FAM168A: variants seen among roughly 807,000 people sequenced by gnomAD.
FAM168A encodes protein FAM168A.
FAM168A carries 3 observed loss-of-function variants against 28.5 expected under a neutral mutation model. That is an observed-to-expected ratio of 0.11 (90% CI 0.05 to 0.27). The LOEUF (loss-of-function observed/expected upper bound fraction) is 0.27. FAM168A is among the 10% of genes least tolerant of loss of function. FAM168A has a pLI of 1.00. For missense variants in FAM168A, 222 were observed against 311.5 expected, an observed-to-expected ratio of 0.71 and a Z score of 2.16; for synonymous variants, 122 against 124.2, an observed-to-expected ratio of 0.98 and a Z score of 0.12.
intron 1 of FAM168A, among the ~76,000 whole-genome samples, chr11:73,565,293 A>T (rs117513400): frequency 8.9e-4 from 135 of 152,316 alleles, no homozygotes; most frequent in Admixed American, 2.7e-3. Context: ...TTTCCACTAT[A>T]TGCGTAACGG....
rs77506521 is a variant in FAM168A at position 73,484,207 on chromosome 11, T to C, written c.-18-15715A>G. ...TGTTAACATCTTTAATTTTAACAGA[T>C]GTTTAATGTTAACATCTTTAATTTT... On this transcript the variant is annotated intron_variant, in intron 1 of 7. Transcript: ENST00000356467. Among the ~76,000 whole-genome samples, 1,374 of 152,308 alleles carry C rather than the reference T, an allele frequency of 9.0e-3. 22 individuals carry two copies. Among genetic ancestry groups the C allele is most frequent in the African/African-American group, 0.031 (1,276 of 41,556 alleles).
intron 1 of FAM168A, among the ~76,000 whole-genome samples, chr11:73,567,261 C>T (rs547425381): frequency 7.9e-5 from 12 of 152,148 alleles, no homozygotes; most frequent in East Asian, 3.9e-4. Context: ...CTCAAATTTC[C>T]GGCTTGAGTG....
chr11:73,454,005 A>G (rs534980279), intron 2 of FAM168A, among the ~76,000 whole-genome samples: 66 of 152,350 alleles, frequency 4.3e-4, no homozygotes, highest in African/African-American at 1.5e-3. Context: ...TAGGATACTT[A>G]TGGACAGGCT....
intron 5 of FAM168A, chr11:73,410,470 A>G (rs1866589557): frequency 6.6e-6 from 1 of 152,046 alleles, no homozygotes. Flanking sequence ...TCTCTTAACT[A>G]GCTATTTCCC....
chr11:73,542,125 G>A (rs1298536936), intron 1 of FAM168A, among the ~76,000 whole-genome samples: 2 of 152,098 alleles, frequency 1.3e-5, no homozygotes, highest in Non-Finnish European at 2.9e-5. Context: ...TTTGCTCTAA[G>A]TACACACATT....
intron 1 of FAM168A, among the ~76,000 whole-genome samples, chr11:73,528,696 A>C (rs550488278): frequency 6.6e-6 from 1 of 152,176 alleles, no homozygotes; most frequent in Non-Finnish European, 1.5e-5. Context: ...TGGAACCTGG[A>C]CCTCTGTCCT....
intron 2 of FAM168A, among the ~76,000 whole-genome samples, chr11:73,440,510 G>A (rs1256576268): frequency 2.6e-5 from 4 of 152,078 alleles, no homozygotes; most frequent in African/African-American, 9.7e-5. Context: ...TGTGCCCACA[G>A]TCCCAGCTAC....
At chr11:73,513,117 T>C (rs1009494895) in intron 1 of FAM168A, among the ~76,000 whole-genome samples, 2 of 152,098 alleles carry the variant, frequency 1.3e-5, no homozygotes, top group East Asian at 3.8e-4. Flanking sequence ...TCTCTTGTAG[T>C]TAGCACCATA....
chr11:73,456,992 C>G (rs1426197320), intron 2 of FAM168A, among the ~76,000 whole-genome samples: 24 of 152,202 alleles, frequency 1.6e-4, no homozygotes, highest in Non-Finnish European at 5.9e-5. Flanking sequence ...TCAACCTCTA[C>G]TGGCCAAAGC....
chr11:73,570,210 TGAG>T (rs1252706002), intron 1 of FAM168A, among the ~76,000 whole-genome samples: 19 of 152,222 alleles, frequency 1.2e-4, no homozygotes, highest in African/African-American at 4.3e-4. Flanking sequence ...TCATTAGCTG[TGAG>T]ACTAAGCAAG....
intron 1 of FAM168A, among the ~76,000 whole-genome samples, chr11:73,485,685 TC>T (rs1404947266): frequency 6.6e-6 from 1 of 152,172 alleles, no homozygotes; most frequent in Admixed American, 6.5e-5. Context: ...AAAAATTCAT[TC>T]CCTTTAGGAA....
chr11:73,587,608 G>C (rs1486429581), intron 1 of FAM168A, among the ~76,000 whole-genome samples: 1 of 152,266 alleles, frequency 6.6e-6, no homozygotes, highest in East Asian at 1.9e-4. Flanking sequence ...AGGAGCACTT[G>C]GTGCCAGGAG....
At chr11:73,419,060 T>C (rs1185878328) in intron 4 of FAM168A, among the ~76,000 whole-genome samples, 1 of 152,204 alleles carries the variant, frequency 6.6e-6, no homozygotes, top group Admixed American at 6.5e-5. Context: ...TCCGCCCACC[T>C]TGGCCTCCCA....
At chr11:73,563,913 G>C (rs917084749) in intron 1 of FAM168A, among the ~76,000 whole-genome samples, 1 of 152,172 alleles carries the variant, frequency 6.6e-6, no homozygotes, top group Non-Finnish European at 1.5e-5. Context: ...AATTAACTGA[G>C]GCCCAAGATT....
intron 1 of FAM168A, among the ~76,000 whole-genome samples, chr11:73,509,448 C>T (rs746301996): frequency 4.6e-4 from 70 of 152,188 alleles, no homozygotes; most frequent in Middle Eastern, 3.4e-3. Flanking sequence ...GTTTTTCAAA[C>T]GTTCACCTCA....
intron 1 of FAM168A, among the ~76,000 whole-genome samples, chr11:73,496,905 A>ACACACACACACACACACACACG (rs1366882838): frequency 6.9e-6 from 1 of 144,224 alleles, no homozygotes; most frequent in African/African-American, 2.8e-5. Context: ...ACACACACAC[A>ACACACACACACACACACACACG]CGCACACACA....
intron 1 of FAM168A, among the ~76,000 whole-genome samples, chr11:73,507,297 T>C (rs1435163830): frequency 2.6e-5 from 4 of 152,238 alleles, no homozygotes; most frequent in African/African-American, 9.6e-5. Context: ...AATTTATTTA[T>C]GATCCATCCA....
chr11:73,430,702 T>C lies in FAM168A; in HGVS notation c.139A>G (p.Ser47Gly). The change falls in exon 3 of 8, where the codon AGT becomes GGT. Residue 47 changes from serine (S) to glycine (G), a missense_variant. By Grantham distance (56) the Ser-to-Gly change is moderately conservative. Around this residue, in one of 3 missense-constraint regions of FAM168A, gnomAD observed 153 missense variants for 189.2 expected, o/e 0.81. Coordinates refer to ENST00000356467, the MANE Select transcript of FAM168A (RefSeq NM_015159.3). Reference protein sequence around the residue: ...NPSLYPTNSPSYAPATLLMKQ... With the variant: ...NPSLYPTNSPGYAPATLLMKQ... ...ATTTCCTCCTTACCTGGAGCATAAC[T>C]GGGACTATTGGTGGGGTACAGGCTG... 1 of 1,613,714 alleles carries C rather than the reference T, an allele frequency of 6.2e-7. No individual in the cohort carries two copies. The highest frequency in any genetic ancestry group is 8.5e-7 in the Non-Finnish European group (1 of 1,179,776).
At chr11:73,410,859 C>G (rs901215091) in intron 5 of FAM168A, among the ~76,000 whole-genome samples, 1 of 152,186 alleles carries the variant, frequency 6.6e-6, no homozygotes, top group African/African-American at 2.4e-5. Flanking sequence ...CATACATCTT[C>G]TAGCTGAAGG....
Sources: allele counts gnomAD v4.1 joint callset (sites outside exome capture counted in the v4.1 genomes callset), GRCh38; gene constraint gnomAD v4.1.1; regional missense constraint gnomAD v4.1.1; transcripts MANE v1.5; gene names NCBI Gene and HGNC (gene_info 2026-07-23, HGNC 2026-07-21).